Variants in FBXL17 observed in about 807,000 individuals in gnomAD.
FBXL17 encodes F-box/LRR-repeat protein 17.
In FBXL17, 22 loss-of-function variants were observed where a neutral mutation model predicts 66.2. The observed-to-expected ratio is 0.33, with a 90% CI of 0.24 to 0.47. The LOEUF (loss-of-function observed/expected upper bound fraction) is 0.47, where lower values mean the gene tolerates loss of function less well. Among genes scored for constraint, FBXL17 ranks in the 20% least tolerant of loss-of-function variants. The pLI is 1.00. For missense variants in FBXL17, 878 were observed against 948.2 expected, an observed-to-expected ratio of 0.93 and a Z score of 0.97; for synonymous variants, 474 against 400.5, an observed-to-expected ratio of 1.18 and a Z score of -2.19.
intron 6 of FBXL17, among the ~76,000 whole-genome samples, chr5:108,089,118 T>A (rs1263525624): frequency 2.0e-5 from 3 of 152,208 alleles, no homozygotes; most frequent in Non-Finnish European, 4.4e-5. Context: ...CCAAAAGGTA[T>A]TCTGAATTTA....
intron 5 of FBXL17, among the ~76,000 whole-genome samples, chr5:108,192,360 T>A (rs1001617471): frequency 6.6e-6 from 1 of 152,218 alleles, no homozygotes; most frequent in African/African-American, 2.4e-5. Flanking sequence ...TAGTAAGGTA[T>A]TTTAACAGAA....
intron 4 of FBXL17, among the ~76,000 whole-genome samples, chr5:108,313,043 TCTGA>T (rs1759197207): frequency 1.3e-5 from 2 of 152,148 alleles, no homozygotes; most frequent in Non-Finnish European, 2.9e-5. Flanking sequence ...TTACTAAAAA[TCTGA>T]CTGTCCAATG....
intron 6 of FBXL17, among the ~76,000 whole-genome samples, chr5:108,053,422 A>C (rs1302873670): frequency 6.6e-6 from 1 of 152,172 alleles, no homozygotes; most frequent in African/African-American, 2.4e-5. Flanking sequence ...ACATTTACAC[A>C]GCCAACAAAC....
In FBXL17 at chr5:108,381,282, G is replaced by A. The variant is rs1749888489; in HGVS notation, c.410C>T (p.Pro137Leu). ...AAAAAASASSPASCCKELGLA... is the reference protein window; with the variant it reads ...AAAAAASASSLASCCKELGLA... Reference sequence around the variant, plus strand: ...CCCCAACTCTTTGCAGCAGGAGGCGGGCGACGAAGCCGAGGCGGCAGCGGC... The same window carrying A: ...CCCCAACTCTTTGCAGCAGGAGGCGAGCGACGAAGCCGAGGCGGCAGCGGC... The change falls in exon 1 of 9, where the codon CCC (proline) becomes CTC (leucine). Residue 137 changes from proline to leucine, a missense_variant. Transcript: ENST00000542267. The A allele has an allele frequency of 1.4e-6, 2 of 1,419,974 alleles. No homozygotes were observed. Among genetic ancestry groups the A allele is most frequent in the African/African-American group, 1.5e-5 (1 of 66,748 alleles). 88.0% of individuals were successfully genotyped at this position (1,419,974 alleles called of 1,614,324 possible).
intron 4 of FBXL17, among the ~76,000 whole-genome samples, chr5:108,306,518 A>G (rs1346606880): frequency 6.6e-6 from 1 of 152,080 alleles, no homozygotes; most frequent in Non-Finnish European, 1.5e-5. Flanking sequence ...TGGAGTAACT[A>G]CCTTACAGAG....
chr5:108,263,998 G>A (rs1039293614), intron 4 of FBXL17, among the ~76,000 whole-genome samples: 1 of 151,876 alleles, frequency 6.6e-6, no homozygotes. Context: ...GGTAGATCAC[G>A]AGGTCAGGAG....
intron 6 of FBXL17, among the ~76,000 whole-genome samples, chr5:108,176,137 A>G (rs1752786519): frequency 6.6e-6 from 1 of 152,168 alleles, no homozygotes; most frequent in Non-Finnish European, 1.5e-5. Context: ...GATTTTCTTC[A>G]TTGTTGGCAA....
At chr5:107,966,635 TTC>T (rs1752151399) in intron 7 of FBXL17, among the ~76,000 whole-genome samples, 1 of 152,160 alleles carries the variant, frequency 6.6e-6, no homozygotes, top group South Asian at 2.1e-4. Flanking sequence ...TCGACCTCAC[TTC>T]TCTCACTAAA....
intron 7 of FBXL17, among the ~76,000 whole-genome samples, chr5:107,922,406 G>A (rs1750354060): frequency 6.6e-6 from 1 of 152,120 alleles, no homozygotes; most frequent in Non-Finnish European, 1.5e-5. Context: ...TTGAGTCTAT[G>A]CAAGGATCTT....
intron 7 of FBXL17, among the ~76,000 whole-genome samples, chr5:107,934,796 A>C (rs140550922): frequency 6.6e-6 from 1 of 152,314 alleles, no homozygotes; most frequent in African/African-American, 2.4e-5. Context: ...TATTTCCTGT[A>C]AAGTATGGTA....
chr5:108,352,016 ACAGGC>A (rs1747687541), intron 3 of FBXL17, among the ~76,000 whole-genome samples: 1 of 152,276 alleles, frequency 6.6e-6, no homozygotes, highest in African/African-American at 2.4e-5. Flanking sequence ...GACTTTTCAT[ACAGGC>A]CACGTGGATA....
chr5:108,156,080 A>G (rs140535581), intron 6 of FBXL17, among the ~76,000 whole-genome samples: 29 of 152,290 alleles, frequency 1.9e-4, no homozygotes, highest in African/African-American at 6.3e-4. Context: ...TATCCACCAT[A>G]AACTATTAAA....
chr5:108,147,592 T>C (rs753719378), intron 6 of FBXL17, among the ~76,000 whole-genome samples: 7 of 152,172 alleles, frequency 4.6e-5, no homozygotes, highest in Non-Finnish European at 1.0e-4. Flanking sequence ...ATAACACATA[T>C]GTAATTGGAA....
intron 3 of FBXL17, among the ~76,000 whole-genome samples, chr5:108,361,501 G>A (rs961190785): frequency 2.0e-4 from 31 of 152,076 alleles, no homozygotes; most frequent in African/African-American, 7.2e-4. Context: ...GTCTTCTTAG[G>A]TCGTTCCTGA....
At chr5:108,231,104 G>C (rs1156296431) in intron 4 of FBXL17, among the ~76,000 whole-genome samples, 1 of 152,076 alleles carries the variant, frequency 6.6e-6, no homozygotes, top group Non-Finnish European at 1.5e-5. Context: ...GTGAGATGAA[G>C]CAAAAACTAA....
rs1172066539 is a variant in FBXL17, at chr5:108,364,935, T to C, written c.1177A>G (p.Ile393Val). 1.9e-6 allele frequency: 3 copies of C among 1,611,818 alleles called. No homozygotes were observed. The highest frequency in any genetic ancestry group is 2.5e-6 in the Non-Finnish European group (3 of 1,178,394). The change falls in exon 3 of 9, where the codon ATT becomes GTT. Residue 393 changes from isoleucine (I) to valine (V), a missense_variant. By Grantham distance (29) the Ile-to-Val change is conservative (BLOSUM62 3). Coordinates refer to ENST00000542267, the MANE Select transcript of FBXL17 (RefSeq NM_001163315.3). ...TCAGACATACTGCGACAATCAGAAA[T>C]GTTGATTTCAATTATATTCTGACTT... The part of the protein sequence containing the change: ...SRSQNIIEIN[I>V]SDCRSMSDNG...
At chr5:108,196,367 C>T (rs1466419309) in intron 5 of FBXL17, among the ~76,000 whole-genome samples, 1 of 152,148 alleles carries the variant, frequency 6.6e-6, no homozygotes, top group Non-Finnish European at 1.5e-5. Flanking sequence ...TGTAAAGCTA[C>T]CTGGGATGCC....
At chr5:108,226,747 A>AT (rs1755117995) in intron 4 of FBXL17, among the ~76,000 whole-genome samples, 1 of 152,212 alleles carries the variant, frequency 6.6e-6, no homozygotes, top group Non-Finnish European at 1.5e-5. Flanking sequence ...TCTGAATAGA[A>AT]TAAAAAGTCA....
At chr5:108,031,290 A>C (rs1746630165) in intron 6 of FBXL17, among the ~76,000 whole-genome samples, 1 of 152,138 alleles carries the variant, frequency 6.6e-6, no homozygotes, top group Admixed American at 6.6e-5. Context: ...TTCGATTAGA[A>C]ATTCATATAA....
Sources: allele counts gnomAD v4.1 joint callset (sites outside exome capture counted in the v4.1 genomes callset), GRCh38; gene constraint gnomAD v4.1.1; transcripts MANE v1.5; gene names NCBI Gene and HGNC (gene_info 2026-07-23, HGNC 2026-07-21).